The following SRCIN1 variants were observed in gnomAD, a reference collection of about 807,000 sequenced individuals.
SRCIN1 encodes P130Cas-associated protein.
A neutral mutation model predicts 116.2 loss-of-function variants in SRCIN1; 50 were observed. That is an observed-to-expected ratio of 0.43 (90% CI 0.34 to 0.54). SRCIN1 has a LOEUF of 0.54. Ranked by LOEUF, SRCIN1 falls within the 20% of genes least tolerant of loss-of-function variation. The pLI is 0.02. For synonymous variants in SRCIN1, 736 were observed against 750.0 expected, an observed-to-expected ratio of 0.98 and a Z score of 0.30; for missense variants, 1,446 against 1,672.0, an observed-to-expected ratio of 0.86 and a Z score of 2.36.
intron 1 of SRCIN1, among the ~76,000 whole-genome samples, chr17:38,596,716 G>A (rs1160459999): frequency 6.6e-6 from 1 of 151,946 alleles, no homozygotes; most frequent in Non-Finnish European, 1.5e-5. Context: ...AGAATGCCCA[G>A]CTTCCCCTGC....
intron 2 of SRCIN1, among the ~76,000 whole-genome samples, chr17:38,576,454 C>T (rs1322778092): frequency 6.6e-6 from 1 of 151,984 alleles, no homozygotes; most frequent in Non-Finnish European, 1.5e-5. Context: ...ATTCCTGGTC[C>T]CCTTTCCCCA....
chr17:38,569,308 C>T (rs571015928), intron 2 of SRCIN1, among the ~76,000 whole-genome samples: 25 of 152,316 alleles, frequency 1.6e-4, no homozygotes, highest in East Asian at 7.7e-4. Flanking sequence ...CCCTGCTGAC[C>T]GGTGCCAGCC....
intron 1 of SRCIN1, among the ~76,000 whole-genome samples, chr17:38,601,815 G>A (rs1274275983): frequency 6.6e-6 from 1 of 152,086 alleles, no homozygotes; most frequent in African/African-American, 2.4e-5. Context: ...CTTCCAGACA[G>A]TCCTCGAAAG....
chr17:38,593,468 G>A (rs560220214), intron 1 of SRCIN1, among the ~76,000 whole-genome samples: 2 of 152,282 alleles, frequency 1.3e-5, no homozygotes, highest in Admixed American at 1.3e-4. Context: ...GAGGGGAAGG[G>A]AGGGTGTAGG....
At chr17:38,550,865 T>G (rs117165041) in intron 15 of SRCIN1, among the ~76,000 whole-genome samples, 2 of 152,232 alleles carry the variant, frequency 1.3e-5, no homozygotes, top group African/African-American at 4.8e-5. Context: ...TTGGGGCATG[T>G]GCCCAGCCAA....
At chr17:38,551,503 A>G in intron 14 of SRCIN1, 114 bp from the exon 15 acceptor site, 1 of 907,344 alleles carries the variant, frequency 1.1e-6, no homozygotes, top group Non-Finnish European at 1.6e-6. Context: ...GAAGCCTCAT[A>G]TTTGATCCCA....
intron 1 of SRCIN1, among the ~76,000 whole-genome samples, chr17:38,596,806 A>C (rs1355925714): frequency 6.6e-6 from 1 of 152,138 alleles, no homozygotes; most frequent in Admixed American, 6.5e-5. Context: ...GACCTGCCTG[A>C]AGTCCTTCAC....
chr17:38,570,882 C>T (rs2143265751), intron 2 of SRCIN1, among the ~76,000 whole-genome samples: 1 of 152,328 alleles, frequency 6.6e-6, no homozygotes, highest in South Asian at 2.1e-4. Context: ...TGCGCTTGTG[C>T]CGGTCACTTG....
At chr17:38,547,667 C>T (rs955320762) in intron 17 of SRCIN1, 5 of 256,102 alleles carry the variant, frequency 2.0e-5, no homozygotes, top group African/African-American at 4.8e-5. Context: ...TGGTGACTGG[C>T]GTTTTAGCGG....
intron 1 of SRCIN1, among the ~76,000 whole-genome samples, chr17:38,579,447 T>G (rs1405338956): frequency 6.6e-6 from 1 of 152,106 alleles, no homozygotes; most frequent in East Asian, 1.9e-4. Context: ...CCTTTTCCCT[T>G]CCCTCCCCAG....
chr17:38,591,860 C>T (rs1908460152), intron 1 of SRCIN1, among the ~76,000 whole-genome samples: 1 of 152,234 alleles, frequency 6.6e-6, no homozygotes, highest in South Asian at 2.1e-4. Context: ...CCCCTCAGAG[C>T]CCCAGCTCCA....
Position 38,552,461 on chromosome 17 carries a change from C to T in SRCIN1, c.2466G>A (p.Leu822=). 2.5e-6 allele frequency: 4 copies of T among 1,602,552 alleles called. No homozygotes were observed. The highest frequency in any genetic ancestry group is 3.3e-4 in the Middle Eastern group (2 of 5,982). ...GACAGAATGACCTTCGGATCTGGGC[C>T]AGCGTGTCCGTGACCCCGCGGCAGC... ...LKRCRGVTDT[L]AQIRRQVDEG... is the part of the protein sequence containing the mutation. Residue 822 remains leucine (L), a synonymous_variant, in exon 13 of 19, where the codon CTG becomes CTA. Coordinates refer to ENST00000617146, the MANE Select transcript of SRCIN1 (RefSeq NM_025248.3). The surrounding 1 kb of genome is among the most constrained non-coding windows in gnomAD (Gnocchi z 5.3).
chr17:38,549,112 TG>T lies in SRCIN1; in HGVS notation c.3060del (p.Thr1021ProfsTer33). 1 of 1,606,628 alleles carries T rather than the reference TG, an allele frequency of 6.2e-7. No individual in the cohort carries two copies. On this transcript the variant is annotated frameshift_variant, in exon 16 of 19. Coordinates refer to ENST00000617146, the MANE Select transcript of SRCIN1 (RefSeq NM_025248.3). LOFTEE classifies it high-confidence loss of function. ...ACCACCACCTCTCCGGTACGTGTGG[TG>T]GTCAGGCCATGGGAGGAGGGGAAGC... ...RRSFPSSHGL[T>X]TTRTGEVVVT... is the part of the protein sequence containing the mutation.
intron 18 of SRCIN1, among the ~76,000 whole-genome samples, chr17:38,538,108 T>C (rs1356777114): frequency 7.8e-6 from 1 of 128,156 alleles, no homozygotes; most frequent in African/African-American, 3.0e-5. Context: ...TCAAAATAAA[T>C]AAATAAATAA....
At chr17:38,560,840 C>G (rs1362157745) in intron 7 of SRCIN1, among the ~76,000 whole-genome samples, 2 of 152,206 alleles carry the variant, frequency 1.3e-5, no homozygotes, top group African/African-American at 4.8e-5. Context: ...CCCTGTGCAG[C>G]GCCTGCCACA....
chr17:38,538,416 CAAA>C (rs536827040), intron 18 of SRCIN1, among the ~76,000 whole-genome samples: 8,678 of 100,472 alleles, frequency 0.086, 281 homozygotes, highest in East Asian at 0.17. Context: ...GACTCCGTCT[CAAA>C]AAAAAAAAAA....
Position 38,602,969 on chromosome 17 carries a change from A to C in SRCIN1, c.22+2715T>G, listed in dbSNP as rs1396340693. ...GGGGTGGGGGCTCAACAAACTGGGT[A>C]CTTCAAAGAGCCCAGCCGCCTCCCT... On this transcript the variant is annotated intron_variant, in intron 1 of 18. Transcript: ENST00000617146. The surrounding 1 kb of genome is among the most constrained non-coding windows in gnomAD (Gnocchi z 4.2). Among the ~76,000 whole-genome samples, 1 of 150,986 alleles carries C rather than the reference A, an allele frequency of 6.6e-6. No homozygotes were observed. Among genetic ancestry groups the C allele is most frequent in the Non-Finnish European group, 1.5e-5 (1 of 67,718 alleles).
At chr17:38,578,813 C>G in intron 1 of SRCIN1, 22 bp from the exon 2 acceptor site, 1 of 1,461,946 alleles carries the variant, frequency 6.8e-7, no homozygotes, top group Non-Finnish European at 9.0e-7. Context: ...GAGAGGGGCA[C>G]GGCTGGGTCA....
At chr17:38,595,818 G>A (rs1021849568) in intron 1 of SRCIN1, among the ~76,000 whole-genome samples, 4 of 152,180 alleles carry the variant, frequency 2.6e-5, no homozygotes, top group Admixed American at 6.5e-5. Flanking sequence ...ACATGCACGC[G>A]TGCTTGTACA....
Sources: allele counts gnomAD v4.1 joint callset (sites outside exome capture counted in the v4.1 genomes callset), GRCh38; gene constraint gnomAD v4.1.1; non-coding constraint Gnocchi (gnomAD v3.1); transcripts MANE v1.5; gene names NCBI Gene and HGNC (gene_info 2026-07-23, HGNC 2026-07-21).